The following PXT1 variants were observed in gnomAD, a reference collection of about 807,000 sequenced individuals.
PXT1 encodes the protein peroxisomal testis enriched protein 1.
Under a neutral mutation model 11.0 loss-of-function variants are expected in PXT1, and 11 were observed. That is an observed-to-expected ratio of 1.00 (90% CI 0.63 to 1.66). PXT1 has a LOEUF of 1.66. Among genes scored for constraint, PXT1 ranks in the 40% most tolerant of loss-of-function variants. The pLI is 0.00. For synonymous variants in PXT1, 43 were observed against 51.4 expected (o/e 0.84, Z 0.70); for missense variants, 141 against 155.5 (o/e 0.91, Z 0.49).
At chr6:36,394,344 A>G (rs1774110947) in intron 4 of PXT1, among the ~76,000 whole-genome samples, 1 of 152,206 alleles carries the variant, frequency 6.6e-6, no homozygotes, top group Non-Finnish European at 1.5e-5. Context: ...AGTGTCTCAA[A>G]CAGTACCTGG....
intron 2 of PXT1, among the ~76,000 whole-genome samples, chr6:36,432,197 GA>G (rs1182999397): frequency 6.6e-6 from 1 of 152,258 alleles, no homozygotes; most frequent in African/African-American, 2.4e-5. Flanking sequence ...TTTAAGTTAG[GA>G]CCTAAAATTT....
intron 3 of PXT1, 81 bp downstream of exon 3, chr6:36,425,833 A>G (rs1774597786): frequency 1.8e-6 from 1 of 548,262 alleles, no homozygotes; most frequent in African/African-American, 2.2e-5. Flanking sequence ...TATATATTTA[A>G]TGTCCAATTT....
At chr6:36,422,709 ATT>A (rs1173193335) in intron 3 of PXT1, among the ~76,000 whole-genome samples, 2 of 152,226 alleles carry the variant, frequency 1.3e-5, no homozygotes, top group East Asian at 3.8e-4. Context: ...GAGGCAAAAA[ATT>A]AAAAAAAGCA....
At chr6:36,409,693 G>C (rs1348787513) in intron 3 of PXT1, among the ~76,000 whole-genome samples, 1 of 151,874 alleles carries the variant, frequency 6.6e-6, no homozygotes, top group East Asian at 1.9e-4. Flanking sequence ...CAGGTGTGGT[G>C]GTGTGTGCCT....
intron 3 of PXT1, among the ~76,000 whole-genome samples, chr6:36,404,570 C>T (rs1774260011): frequency 1.3e-5 from 2 of 152,038 alleles, no homozygotes; most frequent in African/African-American, 4.8e-5. Context: ...AATTCACCTG[C>T]CTTGGCCTTC....
chr6:36,418,576 A>G (rs1774483440), intron 3 of PXT1, among the ~76,000 whole-genome samples: 2 of 152,248 alleles, frequency 1.3e-5, no homozygotes, highest in South Asian at 4.1e-4. Context: ...CAACAAAAAT[A>G]CAGCATCAGT....
intron 2 of PXT1, among the ~76,000 whole-genome samples, chr6:36,435,226 C>T (rs770261870): frequency 2.4e-4 from 37 of 152,126 alleles, no homozygotes; most frequent in Non-Finnish European, 4.9e-4. Context: ...ATTGCTTCAG[C>T]CCAGAAGTTG....
At chr6:36,415,562 C>T (rs563679074) in intron 3 of PXT1, among the ~76,000 whole-genome samples, 3 of 152,172 alleles carry the variant, frequency 2.0e-5, no homozygotes, top group East Asian at 1.9e-4. Flanking sequence ...ATTTTCATGA[C>T]GGTGAGTATG....
intron 3 of PXT1, among the ~76,000 whole-genome samples, chr6:36,409,618 G>C (rs1322566453): frequency 6.6e-6 from 1 of 151,842 alleles, no homozygotes; most frequent in Admixed American, 6.6e-5. Context: ...TTGAGGCCAG[G>C]AGTCTGAGGC....
intron 2 of PXT1, among the ~76,000 whole-genome samples, chr6:36,432,376 C>T (rs1415366133): frequency 6.6e-6 from 1 of 152,088 alleles, no homozygotes; most frequent in Admixed American, 6.6e-5. Context: ...CCCCATGCCA[C>T]TCTCAAAAAT....
chr6:36,424,279 TAGA>T (rs1350686180), intron 3 of PXT1, among the ~76,000 whole-genome samples: 2 of 152,248 alleles, frequency 1.3e-5, no homozygotes, highest in South Asian at 4.1e-4. Context: ...TACAAGTTCC[TAGA>T]AGGTGTTCAT....
chr6:36,409,583 T>G (rs573699813), intron 3 of PXT1, among the ~76,000 whole-genome samples: 13 of 152,164 alleles, frequency 8.5e-5, no homozygotes, highest in Non-Finnish European at 1.5e-4. Flanking sequence ...CCTAGCACCT[T>G]GGGAAGCTGA....
Position 36,426,185 on chromosome 6 carries a change from C to A in PXT1, c.-9-94G>T. ...ATTAATGTTTTAACAATATCAGCAG[C>A]ATTTATTCCACATATAAGAGAGTTA... On this transcript the variant is annotated intron_variant, in intron 2 of 4. Transcript: ENST00000454782. 2 of 773,944 alleles carry A rather than the reference C, an allele frequency of 2.6e-6. 1 individual carries two copies. The highest frequency in any genetic ancestry group is 4.0e-5 in the South Asian group (2 of 50,436). The allele number at this position is 773,944 out of a possible 1,614,324, so 47.9% of individuals were successfully genotyped here. A position where few individuals can be genotyped will look rare whatever the true frequency, so the allele number is the denominator to read the frequency against.
chr6:36,400,589 A>G lies in PXT1; in HGVS notation c.170-5T>C. On this transcript the variant is annotated splice_polypyrimidine_tract_variant and splice_region_variant and intron_variant, in intron 3 of 4. Coordinates refer to ENST00000454782, the MANE Select transcript of PXT1 (RefSeq NM_152990.4). ...GCTGAGAAAGTAGATTATGATCTGCATTGAGAAAAAAGAGTTCAAAAGAGA... is the reference window on the plus strand; with the variant it reads ...GCTGAGAAAGTAGATTATGATCTGCGTTGAGAAAAAAGAGTTCAAAAGAGA... 1 of 1,611,300 alleles carries G rather than the reference A, an allele frequency of 6.2e-7. No homozygotes were observed. The highest frequency in any genetic ancestry group is 1.3e-5 in the African/African-American group (1 of 75,020).
chr6:36,425,800 C>CGAAAACA, intron 3 of PXT1, 114 bp downstream of exon 3: 1 of 216,042 alleles, frequency 4.6e-6, no homozygotes, highest in Middle Eastern at 1.6e-3. Context: ...AAAACAAAAA[C>CGAAAACA]AAAAAATATA....
intron 4 of PXT1, among the ~76,000 whole-genome samples, chr6:36,398,799 T>C (rs1010662342): frequency 6.6e-5 from 10 of 152,184 alleles, no homozygotes; most frequent in Non-Finnish European, 1.2e-4. Flanking sequence ...TGCTTAAATA[T>C]CACCTTCCCA....
At chr6:36,405,803 T>A (rs1774280833) in intron 3 of PXT1, among the ~76,000 whole-genome samples, 1 of 152,178 alleles carries the variant, frequency 6.6e-6, no homozygotes, top group South Asian at 2.1e-4. Flanking sequence ...TTACTCTACC[T>A]TTTCTATGTT....
intron 1 of PXT1, 148 bp from the exon 2 acceptor site, chr6:36,439,034 G>C (rs1343955643): frequency 6.6e-6 from 1 of 151,038 alleles, no homozygotes; most frequent in African/African-American, 2.4e-5. Flanking sequence ...ACGGAGTCTC[G>C]GTATCGCCCA....
At chr6:36,393,947 C>T (rs557726008) in intron 4 of PXT1, among the ~76,000 whole-genome samples, 6 of 152,260 alleles carry the variant, frequency 3.9e-5, no homozygotes, top group South Asian at 2.1e-4. Flanking sequence ...CCCATATCTC[C>T]GGTACTTAAA....
Sources: allele counts gnomAD v4.1 joint callset (sites outside exome capture counted in the v4.1 genomes callset), GRCh38; gene constraint gnomAD v4.1.1; transcripts MANE v1.5; gene names NCBI Gene and HGNC (gene_info 2026-07-23, HGNC 2026-07-21).